The following LAMA2 variants were observed in gnomAD, a reference collection of about 807,000 sequenced individuals.
The protein encoded by LAMA2 is laminin subunit alpha-2.
LAMA2 carries 269 observed loss-of-function variants against 364.8 expected under a neutral mutation model. The ratio of observed to expected loss-of-function variants is 0.74; its 90% CI spans 0.67 to 0.82. LAMA2 has a LOEUF of 0.82. Ranked by LOEUF, LAMA2 falls within the 40% of genes least tolerant of loss-of-function variation. The pLI, the probability that LAMA2 is intolerant of heterozygous loss-of-function variation, is 0.00. For missense variants in LAMA2, 3,807 were observed against 3,873.2 expected (o/e 0.98, Z 0.45); for synonymous variants, 1,379 against 1,370.6 (o/e 1.01, Z -0.14).
chr6:129,180,955 C>G (rs1000840922), intron 10 of LAMA2, among the ~76,000 whole-genome samples: 6 of 152,038 alleles, frequency 3.9e-5, no homozygotes, highest in African/African-American at 1.4e-4. Flanking sequence ...TGCAGCTGAA[C>G]TCCCTGAAGC....
intron 32 of LAMA2, among the ~76,000 whole-genome samples, chr6:129,357,129 G>C (rs1005656118): frequency 1.3e-5 from 2 of 151,960 alleles, no homozygotes; most frequent in African/African-American, 4.8e-5. Flanking sequence ...TTTATAAAAT[G>C]AGAACAACTA....
intron 40 of LAMA2, among the ~76,000 whole-genome samples, chr6:129,408,674 G>A (rs1275997187): frequency 2.0e-5 from 3 of 152,188 alleles, no homozygotes; most frequent in East Asian, 3.9e-4. Context: ...GATGCCAGAC[G>A]GAGGGCTCAG....
chr6:129,037,894 C>T (rs1444228771), intron 1 of LAMA2, among the ~76,000 whole-genome samples: 6 of 152,102 alleles, frequency 3.9e-5, no homozygotes, highest in Non-Finnish European at 8.8e-5. Context: ...TGGTCTTGAT[C>T]TCCTGACCTC....
Position 129,453,945 on chromosome 6 carries a change from C to CT in LAMA2, c.6574-197dup, listed in dbSNP as rs11389653. Among the ~76,000 whole-genome samples the CT allele has an allele frequency of 0.42, 60,402 of 143,058 alleles. 12,545 individuals carry two copies. The highest frequency in any genetic ancestry group is 0.46 in the South Asian group (2,138 of 4,598). 93.9% of individuals were successfully genotyped at this position (143,058 alleles called of 152,430 possible). On this transcript the variant is annotated intron_variant, in intron 46 of 64. Coordinates refer to ENST00000421865, the MANE Select transcript of LAMA2 (RefSeq NM_000426.4). ...AACAAACATGCCTGAGCATTATGGA[C>CT]TTTTTTTTTTTTTGCTTTAAGGATA...
intron 4 of LAMA2, among the ~76,000 whole-genome samples, chr6:129,114,914 G>A (rs1436397484): frequency 6.6e-6 from 1 of 151,910 alleles, no homozygotes; most frequent in Non-Finnish European, 1.5e-5. Context: ...AGAATTTTGT[G>A]GTATTTGCAT....
At position 129,475,374 on chromosome 6, in the gene LAMA2, C is replaced by A; in HGVS notation, c.7440-16C>A. On this transcript the variant is annotated splice_polypyrimidine_tract_variant and intron_variant, in intron 52 of 64. Coordinates refer to ENST00000421865, the MANE Select transcript of LAMA2 (RefSeq NM_000426.4). The stretch of plus-strand genomic sequence containing the variant: ...TTTTTATTTTTGTTTTTTTTTTCCT[C>A]TTTCCCGTTATCTAGTATGAAAGCA... The A allele has an allele frequency of 7.0e-7, 1 of 1,421,298 alleles. No individual in the cohort carries two copies. The highest frequency in any genetic ancestry group is 9.7e-7 in the Non-Finnish European group (1 of 1,031,168). The allele number at this position is 1,421,298 out of a possible 1,614,324, so 88.0% of individuals were successfully genotyped here. A position where few individuals can be genotyped will look rare whatever the true frequency, so the allele number is the denominator to read the frequency against.
chr6:129,111,034 A>G (rs1002335979), intron 4 of LAMA2, among the ~76,000 whole-genome samples: 1 of 152,088 alleles, frequency 6.6e-6, no homozygotes. Context: ...AACTATTTCA[A>G]CACTAGAGCT....
chr6:129,205,096 A>C (rs1378584830), intron 12 of LAMA2, among the ~76,000 whole-genome samples: 2 of 152,066 alleles, frequency 1.3e-5, no homozygotes, highest in African/African-American at 4.8e-5. Context: ...CAAAAAAAAA[A>C]TCCAAAGTTA....
chr6:128,929,186 A>G, intron 1 of LAMA2: 1 of 1,487,056 alleles, frequency 6.7e-7, no homozygotes, highest in Non-Finnish European at 9.4e-7. Flanking sequence ...GGGGATAGTT[A>G]CAGAGGCAAG....
chr6:129,370,787 A>G (rs967954411), intron 34 of LAMA2, among the ~76,000 whole-genome samples: 4 of 152,238 alleles, frequency 2.6e-5, no homozygotes, highest in Non-Finnish European at 4.4e-5. Context: ...AACAATGGCC[A>G]TACAATTTGC....
At chr6:128,883,477 C>A (rs1775936575) in intron 1 of LAMA2, 120 bp downstream of exon 1, 1 of 1,484,200 alleles carries the variant, frequency 6.7e-7, no homozygotes, top group Non-Finnish European at 9.1e-7. Flanking sequence ...TCAGAGAGTG[C>A]GCTCTGGGGC....
chr6:128,929,727 C>A, intron 1 of LAMA2: 6 of 1,330,154 alleles, frequency 4.5e-6, no homozygotes, highest in Non-Finnish European at 6.5e-6. Context: ...CAGACCTTCC[C>A]AATTCTTGTA....
intron 12 of LAMA2, among the ~76,000 whole-genome samples, chr6:129,240,572 T>A (rs1785330079): frequency 6.6e-6 from 1 of 152,182 alleles, no homozygotes; most frequent in South Asian, 2.1e-4. Context: ...TGGTCACACC[T>A]CTATGGATGA....
rs1408583489 is a variant in LAMA2 at position 129,165,663 on chromosome 6, C to T, written c.1294C>T (p.His432Tyr). 4 of 1,607,678 alleles carry T rather than the reference C, an allele frequency of 2.5e-6. No homozygotes were observed. Among genetic ancestry groups the T allele is most frequent in the Admixed American group, 1.7e-5 (1 of 59,830 alleles). The change falls in exon 9 of 65, where the codon CAT becomes TAT. Residue 432 changes from histidine (H) to tyrosine (Y), a missense_variant. Physicochemically the swap from His to Tyr is moderately conservative, Grantham distance 83. This residue lies in a region of LAMA2 where 3,333 missense variants were observed against 3,345.7 expected (regional missense o/e 1.00). Coordinates refer to ENST00000421865, the MANE Select transcript of LAMA2 (RefSeq NM_000426.4). Reference sequence around the variant, plus strand: ...TGAAGTCTGTGTCAAGGATGAGAAACATGCTCGACGAGGTGAGAGCTGCAG... The same window carrying T: ...TGAAGTCTGTGTCAAGGATGAGAAATATGCTCGACGAGGTGAGAGCTGCAG... ...LNEVCVKDEK[H>Y]ARRGLAPGSC...
intron 6 of LAMA2, 43 bp downstream of exon 6, chr6:129,147,091 G>A (rs758299801): frequency 8.1e-7 from 1 of 1,237,510 alleles, no homozygotes; most frequent in South Asian, 1.2e-5. Flanking sequence ...GAAGCCCTGA[G>A]CTGTAAAATG....
Position 129,107,829 on chromosome 6 carries a change from A to C in LAMA2, c.639+9414A>C, listed in dbSNP as rs1775920225. 1.3e-5 allele frequency among the ~76,000 whole-genome samples: 2 copies of C among 152,158 alleles called. 1 individual carries two copies. The highest frequency in any genetic ancestry group is 4.1e-4 in the South Asian group (2 of 4,828). ...TGATTTGAATTCAGTGTATTCTCAG[A>C]GCACCAGAAAGGTACAAAGCTAAAA... On this transcript the variant is annotated intron_variant, in intron 4 of 64. Coordinates refer to ENST00000421865, the MANE Select transcript of LAMA2 (RefSeq NM_000426.4).
At chr6:129,258,720 A>G (rs990367012) in intron 14 of LAMA2, among the ~76,000 whole-genome samples, 8 of 152,106 alleles carry the variant, frequency 5.3e-5, no homozygotes, top group African/African-American at 1.9e-4. Flanking sequence ...ACAACTTGAA[A>G]TGCTTAATTT....
intron 45 of LAMA2, among the ~76,000 whole-genome samples, chr6:129,447,326 A>G (rs1782437916): frequency 6.6e-6 from 1 of 152,228 alleles, no homozygotes; most frequent in African/African-American, 2.4e-5. Context: ...GATTTCCTGA[A>G]GGGAAGGATT....
intron 1 of LAMA2, chr6:128,929,199 C>G (rs1487412480): frequency 6.7e-7 from 1 of 1,489,938 alleles, no homozygotes; most frequent in African/African-American, 1.4e-5. Flanking sequence ...GAGGCAAGAG[C>G]TCCCACCCAG....
Sources: allele counts gnomAD v4.1 joint callset (sites outside exome capture counted in the v4.1 genomes callset), GRCh38; gene constraint gnomAD v4.1.1; regional missense constraint gnomAD v4.1.1; transcripts MANE v1.5; gene names NCBI Gene and HGNC (gene_info 2026-07-23, HGNC 2026-07-21).